Variants in PARD3B observed in about 807,000 individuals in gnomAD.
PARD3B encodes the protein par-3 family cell polarity regulator beta.
PARD3B carries 103 observed loss-of-function variants against 130.2 expected under a neutral mutation model. That is an observed-to-expected ratio of 0.79 (90% CI 0.67 to 0.93). PARD3B has a LOEUF of 0.93. Among genes scored for constraint, PARD3B ranks in the 40% least tolerant of loss-of-function variants. The probability of loss-of-function intolerance (pLI) is 0.00; values close to 1 mark genes in which losing one functional copy is unlikely to be tolerated. For synonymous variants in PARD3B, 583 were observed against 553.2 expected (o/e 1.05, Z -0.76); for missense variants, 1,609 against 1,499.2 (o/e 1.07, Z -1.21).
intron 15 of PARD3B, among the ~76,000 whole-genome samples, chr2:205,211,689 C>CA (rs2037644019): frequency 6.6e-6 from 1 of 151,982 alleles, no homozygotes; most frequent in Non-Finnish European, 1.5e-5. Context: ...CAACACTATC[C>CA]AATGAAGGTA....
intron 4 of PARD3B, among the ~76,000 whole-genome samples, chr2:205,101,344 C>T (rs1702773897): frequency 6.6e-6 from 1 of 151,998 alleles, no homozygotes; most frequent in African/African-American, 2.4e-5. Flanking sequence ...ATTTTATACC[C>T]ATTAGGATGA....
At chr2:205,027,466 T>C (rs1697116944) in intron 3 of PARD3B, among the ~76,000 whole-genome samples, 1 of 152,192 alleles carries the variant, frequency 6.6e-6, no homozygotes, top group Admixed American at 6.6e-5. Flanking sequence ...GACTAATCCC[T>C]CATCAAATAT....
At chr2:204,660,157 A>G (rs1428111065) in intron 1 of PARD3B, among the ~76,000 whole-genome samples, 1 of 152,150 alleles carries the variant, frequency 6.6e-6, no homozygotes, top group Non-Finnish European at 1.5e-5. Flanking sequence ...AAGCTATTCC[A>G]CAAATGTTTA....
chr2:205,561,975 A>T (rs577970389), intron 22 of PARD3B, among the ~76,000 whole-genome samples: 6 of 152,320 alleles, frequency 3.9e-5, no homozygotes, highest in Middle Eastern at 3.4e-3. Flanking sequence ...TGGCCCCCTG[A>T]TACCACCTCA....
intron 18 of PARD3B, among the ~76,000 whole-genome samples, chr2:205,315,523 T>C (rs74798810): frequency 0.016 from 2,461 of 152,276 alleles, 43 homozygotes; most frequent in East Asian, 0.058. Context: ...GAGACTCTAA[T>C]TCATTAGGTT....
intron 2 of PARD3B, among the ~76,000 whole-genome samples, chr2:204,720,417 C>A (rs1393542120): frequency 6.6e-6 from 1 of 152,052 alleles, no homozygotes; most frequent in African/African-American, 2.4e-5. Context: ...ATAAAATAGA[C>A]CCAACTTAAA....
In PARD3B at chr2:205,575,922, A is replaced by G. The variant is rs1321052655; in HGVS notation, c.3260+22519A>G. Among the ~76,000 whole-genome samples the G allele has an allele frequency of 6.6e-6, 1 of 152,136 alleles. No homozygotes were observed. The highest frequency in any genetic ancestry group is 2.4e-5 in the African/African-American group (1 of 41,456). On this transcript the variant is annotated intron_variant, in intron 22 of 22. Coordinates refer to ENST00000406610, the MANE Select transcript of PARD3B (RefSeq NM_001302769.2). The surrounding 1 kb of genome is among the most constrained non-coding windows in gnomAD (Gnocchi z 4.6). The stretch of plus-strand genomic sequence containing the variant: ...TGACTGCTGGATCAAGTGGCGAGAC[A>G]ATGTTTAGTTTTGCAGGAAAGCACC...
chr2:205,104,457 T>C lies in PARD3B; in HGVS notation c.536T>C (p.Val179Ala). 1.2e-6 allele frequency: 2 copies of C among 1,603,476 alleles called. No individual in the cohort carries two copies. The highest frequency in any genetic ancestry group is 8.5e-7 in the Non-Finnish European group (1 of 1,170,496). The change falls in exon 5 of 23, where the codon GTT becomes GCT. Residue 179 changes from valine to alanine, a missense_variant. Coordinates refer to ENST00000406610, the MANE Select transcript of PARD3B (RefSeq NM_001302769.2). ...ACGCAGAACTTGGAAGACAGAGAAGTTTTGAATGGTGTACAGACAGAACTA... is the reference window on the plus strand; with the variant it reads ...ACGCAGAACTTGGAAGACAGAGAAGCTTTGAATGGTGTACAGACAGAACTA... ...DSTQNLEDREVLNGVQTELLT... is the reference protein window; with the variant it reads ...DSTQNLEDREALNGVQTELLT...
chr2:205,204,866 T>C lies in PARD3B; in HGVS notation c.2140+11546T>C, dbSNP rs111481746. On this transcript the variant is annotated intron_variant, in intron 15 of 22. Transcript: ENST00000406610. ...TGTTACTGTAGCCTTGTAGTATAGTTTGAAGTCAGGTAGCATGATGCCCCC... is the reference window on the plus strand; with the variant it reads ...TGTTACTGTAGCCTTGTAGTATAGTCTGAAGTCAGGTAGCATGATGCCCCC... Among the ~76,000 whole-genome samples, 1,218 of 152,310 alleles carry C rather than the reference T, an allele frequency of 8.0e-3. 17 individuals are homozygous for C. The highest frequency in any genetic ancestry group is 0.014 in the African/African-American group (572 of 41,576).
intron 4 of PARD3B, among the ~76,000 whole-genome samples, chr2:205,052,496 A>C (rs1699291548): frequency 6.8e-6 from 1 of 147,316 alleles, no homozygotes; most frequent in African/African-American, 2.5e-5. Flanking sequence ...GTTAAATTAG[A>C]AGTTCATGGA....
intron 15 of PARD3B, among the ~76,000 whole-genome samples, chr2:205,200,726 T>C (rs183883844): frequency 1.3e-5 from 2 of 152,296 alleles, no homozygotes; most frequent in East Asian, 3.9e-4. Flanking sequence ...ATAATAAAAT[T>C]TCACATGATA....
At chr2:205,284,993 GTTT>G (rs5837964) in intron 16 of PARD3B, among the ~76,000 whole-genome samples, 1 of 143,810 alleles carries the variant, frequency 7.0e-6, no homozygotes. Context: ...GCACAAAACA[GTTT>G]TTTTTTTTTT....
At chr2:204,608,408 G>A (rs2033806000) in intron 1 of PARD3B, among the ~76,000 whole-genome samples, 1 of 152,082 alleles carries the variant, frequency 6.6e-6, no homozygotes, top group Admixed American at 6.6e-5. Context: ...AGTGTGTGTG[G>A]GTGGCTGTGC....
At position 205,514,715 on chromosome 2, in the gene PARD3B, C is replaced by T. The variant is rs1320644401; in HGVS notation, c.3180+14684C>T. Among the ~76,000 whole-genome samples the T allele has an allele frequency of 2.6e-5, 4 of 152,112 alleles. No homozygotes were observed. In the East Asian group the frequency reaches 7.7e-4, roughly 29 times the overall value. On this transcript the variant is annotated intron_variant, in intron 21 of 22. Coordinates refer to ENST00000406610, the MANE Select transcript of PARD3B (RefSeq NM_001302769.2). ...AACATATTGCAAGAAGTTACAACTA[C>T]AGCCAGAAATATGTGGATATACTTG...
intron 18 of PARD3B, among the ~76,000 whole-genome samples, chr2:205,360,717 G>C (rs1431884464): frequency 6.6e-6 from 1 of 152,142 alleles, no homozygotes; most frequent in Non-Finnish European, 1.5e-5. Context: ...CTGAATCCCA[G>C]GTCTGTGACA....
rs181773473 is a variant in PARD3B at position 205,202,233 on chromosome 2, G to T, written c.2140+8913G>T. On this transcript the variant is annotated intron_variant, in intron 15 of 22. Transcript: ENST00000406610. ...AATATAGATCACTATAATATAACTT[G>T]ATCAATATTTCAGATGTAGCGGAAT... is the stretch of plus-strand genomic sequence containing the variant. Among the ~76,000 whole-genome samples, 466 of 152,266 alleles carry T rather than the reference G, an allele frequency of 3.1e-3. 3 individuals carry two copies. Among genetic ancestry groups the T allele is most frequent in the Admixed American group, 6.3e-3 (97 of 15,284 alleles).
In PARD3B at chr2:205,483,321, T is replaced by G. The variant is rs1442398298; in HGVS notation, c.3045-16575T>G. ...CTCTAATTAGGTTCCTTGAATTAGCTAATGGATTTTGAGAAAGATAGCTTA... is the reference window on the plus strand; with the variant it reads ...CTCTAATTAGGTTCCTTGAATTAGCGAATGGATTTTGAGAAAGATAGCTTA... On this transcript the variant is annotated intron_variant, in intron 20 of 22. Coordinates refer to ENST00000406610, the MANE Select transcript of PARD3B (RefSeq NM_001302769.2). Among the ~76,000 whole-genome samples, 3 of 152,284 alleles carry G rather than the reference T, an allele frequency of 2.0e-5. No homozygotes were observed. The East Asian group carries it at 5.8e-4, about 29-fold the overall frequency.
At chr2:205,206,197 T>C (rs1456184464) in intron 15 of PARD3B, among the ~76,000 whole-genome samples, 2 of 150,244 alleles carry the variant, frequency 1.3e-5, no homozygotes, top group Admixed American at 1.3e-4. Context: ...AATGAAATTC[T>C]GTGTTCCTTT....
intron 2 of PARD3B, among the ~76,000 whole-genome samples, chr2:204,755,227 G>A (rs954289327): frequency 6.6e-6 from 1 of 152,136 alleles, no homozygotes; most frequent in Non-Finnish European, 1.5e-5. Flanking sequence ...CTACGGAAAT[G>A]TGTGAATAGG....
Sources: allele counts gnomAD v4.1 joint callset (sites outside exome capture counted in the v4.1 genomes callset), GRCh38; gene constraint gnomAD v4.1.1; non-coding constraint Gnocchi (gnomAD v3.1); transcripts MANE v1.5; gene names NCBI Gene and HGNC (gene_info 2026-07-23, HGNC 2026-07-21).